Variants in OSTN observed in about 807,000 individuals in gnomAD.
The protein encoded by OSTN is osteocrin.
OSTN carries 9 observed loss-of-function variants against 12.0 expected under a neutral mutation model. The ratio of observed to expected loss-of-function variants is 0.75; its 90% CI spans 0.45 to 1.30. The LOEUF (loss-of-function observed/expected upper bound fraction) is 1.30, where lower values mean the gene tolerates loss of function less well. OSTN is among the 50% of genes most tolerant of loss of function. OSTN has a pLI of 0.00. For synonymous variants in OSTN, 59 were observed against 56.9 expected (o/e 1.04, Z -0.16); for missense variants, 148 against 152.3 (o/e 0.97, Z 0.15).
intron 1 of OSTN, among the ~76,000 whole-genome samples, chr3:191,202,526 T>C (rs985754905): frequency 2.0e-5 from 3 of 152,348 alleles, no homozygotes; most frequent in Admixed American, 6.5e-5. Flanking sequence ...CTTTGTTTAA[T>C]GTTAGAGATA....
intron 1 of OSTN, among the ~76,000 whole-genome samples, chr3:191,205,008 C>T (rs960303532): frequency 5.9e-5 from 9 of 151,906 alleles, no homozygotes; most frequent in Admixed American, 5.2e-4. Context: ...TTTTAGTTTC[C>T]GTTGTAAAGT....
In OSTN at chr3:191,218,795, G is replaced by C. The variant is rs1714688822; in HGVS notation, c.151G>C (p.Glu51Gln). 1 of 1,613,960 alleles carries C rather than the reference G, an allele frequency of 6.2e-7. No homozygotes were observed. Among genetic ancestry groups the C allele is most frequent in the Non-Finnish European group, 8.5e-7 (1 of 1,179,994 alleles). Residue 51 changes from glutamate (E) to glutamine (Q), a missense_variant, in exon 3 of 5, where the codon GAA becomes CAA. Glu to Gln is a conservative substitution (Grantham distance 29). Coordinates refer to ENST00000682035, the MANE Select transcript of OSTN (RefSeq NM_198184.2). ...TGTGCAGTCAACACCCACAGTCAGGGAAGAGAAATCAGCCACTGACCTGAC... is the reference window on the plus strand; with the variant it reads ...TGTGCAGTCAACACCCACAGTCAGGCAAGAGAAATCAGCCACTGACCTGAC... Reference protein sequence around the residue: ...IDVQSTPTVREEKSATDLTAK... With the variant: ...IDVQSTPTVRQEKSATDLTAK...
chr3:191,238,051 C>T (rs982364565), intron 3 of OSTN, among the ~76,000 whole-genome samples: 2 of 152,140 alleles, frequency 1.3e-5, no homozygotes, highest in East Asian at 3.9e-4. Context: ...AGAAATGCCA[C>T]AGAACTGAGC....
intron 1 of OSTN, among the ~76,000 whole-genome samples, chr3:191,200,659 A>G (rs1320315546): frequency 6.6e-6 from 1 of 152,176 alleles, no homozygotes; most frequent in African/African-American, 2.4e-5. Flanking sequence ...AAGGACAAAA[A>G]AAAATAGAAG....
rs142760123 is a variant in OSTN, at chr3:191,207,006, G to A, written c.1-5527G>A. Among the ~76,000 whole-genome samples, 4 of 152,236 alleles carry A rather than the reference G, an allele frequency of 2.6e-5. No homozygotes were observed. In the East Asian group the frequency reaches 5.8e-4, roughly 22 times the overall value. ...ATTTCAATGGGAGAAGATTTTAGGC[G>A]GTGTTGTCGGCAGGCACGCATGGTC... is the stretch of plus-strand genomic sequence containing the variant. On this transcript the variant is annotated intron_variant, in intron 1 of 4. Coordinates refer to ENST00000682035, the MANE Select transcript of OSTN (RefSeq NM_198184.2).
intron 3 of OSTN, among the ~76,000 whole-genome samples, chr3:191,232,331 T>TAAAAAAAAAAAAAAAAAAAAAAAAAAAAA: frequency 1.5e-5 from 1 of 67,490 alleles, no homozygotes; most frequent in African/African-American, 8.8e-5. Context: ...AGACTCTGTC[T>TAAAAAAAAAAAAAAAAAAAAAAAAAAAAA]AAAAAAAAAA....
At chr3:191,204,092 G>C (rs1270824009) in intron 1 of OSTN, among the ~76,000 whole-genome samples, 4 of 152,122 alleles carry the variant, frequency 2.6e-5, no homozygotes, top group Non-Finnish European at 5.9e-5. Flanking sequence ...GTTTCACCGT[G>C]TTAGCCAGGC....
chr3:191,199,689 G>T (rs945042602), intron 1 of OSTN, among the ~76,000 whole-genome samples: 1 of 151,896 alleles, frequency 6.6e-6, no homozygotes, highest in Non-Finnish European at 1.5e-5. Flanking sequence ...AAAAAGAAAG[G>T]TTTTTTCCTC....
At position 191,264,392 on chromosome 3, in the gene OSTN, T is replaced by C. The variant is rs1331376580; in HGVS notation, c.*1539T>C. On this transcript the variant is annotated 3_prime_UTR_variant, in exon 5 of 5. Transcript: ENST00000682035. Reference sequence around the variant, plus strand: ...TGAACATGTGTACTTAGAATATATATATTGGTTTTGTATGTAACTTCTTAG... The same window carrying C: ...TGAACATGTGTACTTAGAATATATACATTGGTTTTGTATGTAACTTCTTAG... 6.6e-6 allele frequency: 1 copy of C among 152,254 alleles called. No individual in the cohort carries two copies. Among genetic ancestry groups the C allele is most frequent in the Middle Eastern group, 3.4e-3 (1 of 294 alleles). The allele number at this position is 152,254 out of a possible 1,614,324, so 9.4% of individuals were successfully genotyped here.
At chr3:191,209,425 T>C (rs1714363858) in intron 1 of OSTN, among the ~76,000 whole-genome samples, 1 of 152,214 alleles carries the variant, frequency 6.6e-6, no homozygotes, top group South Asian at 2.1e-4. Context: ...CTTTTATGTT[T>C]ACAGAAAATC....
intron 3 of OSTN, among the ~76,000 whole-genome samples, chr3:191,235,581 C>A (rs547383811): frequency 2.9e-4 from 44 of 152,282 alleles, no homozygotes; most frequent in Admixed American, 8.5e-4. Context: ...ACCCCCAGTG[C>A]GAATAGTAAC....
chr3:191,255,066 G>A (rs1187623201), intron 4 of OSTN, among the ~76,000 whole-genome samples: 2 of 152,188 alleles, frequency 1.3e-5, no homozygotes, highest in African/African-American at 4.8e-5. Context: ...CCAAGGACCA[G>A]GGGGCAGGGG....
rs1010962744 is a variant in OSTN, at chr3:191,264,241, A to G, written c.*1388A>G. On this transcript the variant is annotated 3_prime_UTR_variant, in exon 5 of 5. Transcript: ENST00000682035. ...AAGAATAAAATAAACTCAAAGAAACATAACAAAAATATATTAGAAAAAGAG... is the reference window on the plus strand; with the variant it reads ...AAGAATAAAATAAACTCAAAGAAACGTAACAAAAATATATTAGAAAAAGAG... 3.3e-5 allele frequency: 5 copies of G among 151,988 alleles called. No homozygotes were observed. The highest frequency in any genetic ancestry group is 7.4e-5 in the Non-Finnish European group (5 of 67,976). The allele number at this position is 151,988 out of a possible 1,614,324, so 9.4% of individuals were successfully genotyped here.
chr3:191,233,374 C>T (rs1458977471), intron 3 of OSTN, among the ~76,000 whole-genome samples: 1 of 152,158 alleles, frequency 6.6e-6, no homozygotes, highest in Non-Finnish European at 1.5e-5. Context: ...CTTTGAAGCC[C>T]AAAATATTTT....
At chr3:191,250,972 C>T (rs1023734140) in intron 4 of OSTN, among the ~76,000 whole-genome samples, 5 of 152,012 alleles carry the variant, frequency 3.3e-5, no homozygotes, top group South Asian at 2.1e-4. Context: ...GGTTCAAATC[C>T]CAGGTCATCT....
At chr3:191,247,516 G>A (rs925888876) in intron 3 of OSTN, among the ~76,000 whole-genome samples, 7 of 152,088 alleles carry the variant, frequency 4.6e-5, no homozygotes, top group Middle Eastern at 3.4e-3. Context: ...ACATATAGTC[G>A]ATACAGATAA....
intron 1 of OSTN, among the ~76,000 whole-genome samples, chr3:191,206,742 C>T (rs939648090): frequency 9.9e-5 from 15 of 152,218 alleles, no homozygotes; most frequent in Non-Finnish European, 1.5e-4. Flanking sequence ...GAGCCTGAGT[C>T]TCACGACTCT....
intron 1 of OSTN, 41 bp from the exon 2 acceptor site, chr3:191,212,492 C>A: frequency 2.2e-6 from 3 of 1,368,162 alleles, no homozygotes; most frequent in East Asian, 2.5e-5. Context: ...TCTTTACATT[C>A]CAAACGAATC....
chr3:191,256,759 A>G (rs1381385820), intron 4 of OSTN, among the ~76,000 whole-genome samples: 1 of 118,878 alleles, frequency 8.4e-6, no homozygotes, highest in Non-Finnish European at 1.6e-5. Context: ...TTAATGCTAA[A>G]GCTAATTTTA....
Sources: gnomAD v4.1 joint callset for allele counts (sites outside exome capture counted in the v4.1 genomes callset) on GRCh38, gnomAD v4.1.1 for gene constraint, MANE v1.5 for transcripts, NCBI Gene and HGNC (gene_info 2026-07-23, HGNC 2026-07-21) for gene names.